The following PRKG1 variants were observed in gnomAD, a reference collection of about 807,000 sequenced individuals.
PRKG1 encodes protein kinase cGMP-dependent 1.
Under a neutral mutation model 88.1 loss-of-function variants are expected in PRKG1, and 35 were observed. The observed-to-expected ratio is 0.40, with a 90% CI of 0.30 to 0.53. The LOEUF is 0.53. Ranked by LOEUF, PRKG1 falls within the 20% of genes least tolerant of loss-of-function variation. The pLI is 0.59. For missense variants in PRKG1, 540 were observed against 839.8 expected, an observed-to-expected ratio of 0.64 and a Z score of 4.41; for synonymous variants, 303 against 292.5, an observed-to-expected ratio of 1.04 and a Z score of -0.37.
At chr10:51,827,373 T>C (rs1258742266) in intron 4 of PRKG1, among the ~76,000 whole-genome samples, 1 of 152,140 alleles carries the variant, frequency 6.6e-6, no homozygotes, top group East Asian at 1.9e-4. Context: ...ACATAAATCA[T>C]AGCTAAATAT....
At chr10:51,496,410 T>G (rs543046909) in intron 3 of PRKG1, among the ~76,000 whole-genome samples, 5 of 152,286 alleles carry the variant, frequency 3.3e-5, no homozygotes, top group Non-Finnish European at 7.4e-5. Flanking sequence ...CAGCATGGGT[T>G]AATCTACAGA....
chr10:51,516,469 G>A (rs796252426), intron 3 of PRKG1, among the ~76,000 whole-genome samples: 3 of 152,238 alleles, frequency 2.0e-5, no homozygotes, highest in African/African-American at 7.2e-5. Flanking sequence ...GAGAGAGCAG[G>A]CACACAGGGA....
intron 2 of PRKG1, among the ~76,000 whole-genome samples, chr10:51,229,411 C>T (rs1005379663): frequency 6.6e-6 from 1 of 152,132 alleles, no homozygotes; most frequent in African/African-American, 2.4e-5. Context: ...ACTACTTCTT[C>T]CAGAAATTTA....
chr10:51,583,279 T>C (rs1194870552), intron 3 of PRKG1, among the ~76,000 whole-genome samples: 1 of 152,184 alleles, frequency 6.6e-6, no homozygotes, highest in Non-Finnish European at 1.5e-5. Flanking sequence ...CTCCATTATA[T>C]GAATTTAGGC....
At chr10:51,992,317 C>T (rs1245943729) in intron 5 of PRKG1, among the ~76,000 whole-genome samples, 1 of 152,102 alleles carries the variant, frequency 6.6e-6, no homozygotes, top group Non-Finnish European at 1.5e-5. Flanking sequence ...TCCTCTTCTT[C>T]ACCTCCAATC....
chr10:51,436,019 C>T (rs1049076853), intron 2 of PRKG1, among the ~76,000 whole-genome samples: 2 of 151,918 alleles, frequency 1.3e-5, no homozygotes, highest in Admixed American at 1.3e-4. Flanking sequence ...GAAAAGGGAA[C>T]AGATGCTAAA....
chr10:51,526,947 G>C (rs905577210), intron 3 of PRKG1, among the ~76,000 whole-genome samples: 1 of 152,082 alleles, frequency 6.6e-6, no homozygotes, highest in Non-Finnish European at 1.5e-5. Context: ...GCAAACTTTT[G>C]CTAGAAGGAC....
chr10:51,138,365 A>T (rs1696468948), intron 1 of PRKG1, among the ~76,000 whole-genome samples: 4 of 152,136 alleles, frequency 2.6e-5, no homozygotes, highest in Admixed American at 2.6e-4. Flanking sequence ...AATGGAGGGG[A>T]GGGTAATGAG....
At chr10:51,869,614 G>T (rs1160692771) in intron 4 of PRKG1, among the ~76,000 whole-genome samples, 1 of 151,838 alleles carries the variant, frequency 6.6e-6, no homozygotes, top group South Asian at 2.1e-4. Context: ...TGTTCTAAGA[G>T]ATAATAGAAA....
intron 5 of PRKG1, among the ~76,000 whole-genome samples, chr10:51,999,399 C>T (rs373422778): frequency 1.1e-4 from 17 of 152,148 alleles, no homozygotes; most frequent in African/African-American, 4.1e-4. Context: ...AAACTGAGCA[C>T]TAGTAAAAGG....
chr10:51,892,152 C>A (rs1937671), intron 4 of PRKG1, among the ~76,000 whole-genome samples: 1 of 151,874 alleles, frequency 6.6e-6, no homozygotes, highest in Non-Finnish European at 1.5e-5. Context: ...TAGATATTCC[C>A]GAATAAAGGA....
At chr10:51,913,023 G>A (rs575878501) in intron 5 of PRKG1, among the ~76,000 whole-genome samples, 6 of 152,128 alleles carry the variant, frequency 3.9e-5, no homozygotes, top group African/African-American at 1.2e-4. Flanking sequence ...TCATCGCCCC[G>A]TTTCAAGAGA....
rs7912782 is a variant in PRKG1 at position 52,280,957 on chromosome 10, G to T, written c.1545+27G>T. ...TCAGTGCATTTCATACGTGCTTTCT[G>T]CCCTGCAGATTAAAAATATTTGTTT... On this transcript the variant is annotated intron_variant, in intron 13 of 17. Coordinates refer to ENST00000373980, the MANE Select transcript of PRKG1 (RefSeq NM_006258.4). 106,185 of 1,590,948 alleles carry T rather than the reference G, an allele frequency of 0.067. 5,246 individuals carry two copies. Among genetic ancestry groups the T allele is most frequent in the African/African-American group, 0.25 (18,427 of 73,926 alleles).
At position 52,034,266 on chromosome 10, in the gene PRKG1, C is replaced by T. The variant is rs868122373; in HGVS notation, c.763-20218C>T. On this transcript the variant is annotated intron_variant, in intron 5 of 17. Transcript: ENST00000373980. ...ACAAAATAGTGTTGAAGTGTTGGGGCGGCAAAAATTTTTGGGTGGTGGTAT... is the reference window on the plus strand; with the variant it reads ...ACAAAATAGTGTTGAAGTGTTGGGGTGGCAAAAATTTTTGGGTGGTGGTAT... Among the ~76,000 whole-genome samples the T allele has an allele frequency of 8.2e-4, 122 of 148,260 alleles. 2 individuals are homozygous for T. Among genetic ancestry groups the T allele is most frequent in the Middle Eastern group, 3.5e-3 (1 of 288 alleles).
intron 3 of PRKG1, among the ~76,000 whole-genome samples, chr10:51,620,995 G>GTATA (rs1192282467): frequency 2.1e-4 from 11 of 52,892 alleles, no homozygotes; most frequent in African/African-American, 4.6e-4. Flanking sequence ...GTGTGTGTGT[G>GTATA]TGTGTATATG....
intron 9 of PRKG1, among the ~76,000 whole-genome samples, chr10:52,178,097 T>G (rs1838913880): frequency 6.6e-6 from 1 of 152,004 alleles, no homozygotes; most frequent in Non-Finnish European, 1.5e-5. Context: ...CATTGTTTAT[T>G]TGAAATATTT....
chr10:51,785,008 G>T (rs1401242216), intron 3 of PRKG1, among the ~76,000 whole-genome samples: 1 of 151,348 alleles, frequency 6.6e-6, no homozygotes, highest in Non-Finnish European at 1.5e-5. Context: ...TGCTTACTAG[G>T]GTTGTTATTC....
rs539754007 is a variant in PRKG1 at position 51,379,015 on chromosome 10, C to T, written c.479-88708C>T. Among the ~76,000 whole-genome samples, 4 of 152,288 alleles carry T rather than the reference C, an allele frequency of 2.6e-5. No homozygotes were observed. The South Asian group carries it at 8.3e-4, about 32-fold the overall frequency. Reference sequence around the variant, plus strand: ...TTGAATATATTTTTATCTTATAGCACAGTCATGGTGAGCTTGACTATCTGG... The same window carrying T: ...TTGAATATATTTTTATCTTATAGCATAGTCATGGTGAGCTTGACTATCTGG... On this transcript the variant is annotated intron_variant, in intron 2 of 17. Coordinates refer to ENST00000373980, the MANE Select transcript of PRKG1 (RefSeq NM_006258.4).
chr10:51,833,094 A>G (rs535376415), intron 4 of PRKG1, among the ~76,000 whole-genome samples: 1 of 152,280 alleles, frequency 6.6e-6, no homozygotes, highest in South Asian at 2.1e-4. Flanking sequence ...GAAAAGGCTC[A>G]TTGAATGCGG....
Sources: allele counts gnomAD v4.1 joint callset (sites outside exome capture counted in the v4.1 genomes callset), GRCh38; gene constraint gnomAD v4.1.1; transcripts MANE v1.5; gene names NCBI Gene and HGNC (gene_info 2026-07-23, HGNC 2026-07-21).